Variants in OTOG observed in about 807,000 individuals in gnomAD.
The protein encoded by OTOG is otogelin.
In OTOG, 296 loss-of-function variants were observed where a neutral mutation model predicts 313.8. The ratio of observed to expected loss-of-function variants is 0.94; its 90% CI spans 0.86 to 1.04. OTOG has a LOEUF of 1.04. Ranked by LOEUF, OTOG falls within the 50% of genes least tolerant of loss-of-function variation. OTOG has a pLI of 0.00. For missense variants in OTOG, 3,948 were observed against 3,840.1 expected, an observed-to-expected ratio of 1.03 and a Z score of -0.74; for synonymous variants, 1,533 against 1,554.9, an observed-to-expected ratio of 0.99 and a Z score of 0.33.
chr11:17,643,208 C>A (rs958051843), intron 53 of OTOG, among the ~76,000 whole-genome samples: 1 of 152,212 alleles, frequency 6.6e-6, no homozygotes, highest in African/African-American at 2.4e-5. Context: ...AGGGGAACTG[C>A]CCCAGGAAAG....
rs553540242 is a variant in OTOG at position 17,635,464 on chromosome 11, C to T, written c.7694-146C>T. On this transcript the variant is annotated intron_variant, in intron 46 of 55. Coordinates refer to ENST00000399397, the MANE Select transcript of OTOG (RefSeq NM_001292063.2). ...GAACTTCCAGATTCTGATTCCAGAA[C>T]GGATCACGTGAGACCATGCGATGCT... 1.3e-4 allele frequency: 85 copies of T among 676,276 alleles called. No individual in the cohort carries two copies. The East Asian group carries it at 1.9e-3, about 15-fold the overall frequency. The allele number at this position is 676,276 out of a possible 1,614,324, so 41.9% of individuals were successfully genotyped here.
chr11:17,575,965 G>A (rs958187948), intron 20 of OTOG, among the ~76,000 whole-genome samples: 1 of 152,176 alleles, frequency 6.6e-6, no homozygotes, highest in African/African-American at 2.4e-5. Context: ...TGTGTGAGGA[G>A]GAAACATAGC....
intron 42 of OTOG, 131 bp from the exon 43 acceptor site, chr11:17,633,549 C>T (rs1854184185): frequency 1.7e-5 from 14 of 847,232 alleles, no homozygotes; most frequent in Non-Finnish European, 2.3e-5. Context: ...AGCCCTTTAA[C>T]TTATGCACTC....
intron 39 of OTOG, among the ~76,000 whole-genome samples, chr11:17,623,328 T>A (rs1257419680): frequency 6.6e-6 from 1 of 152,148 alleles, no homozygotes; most frequent in Non-Finnish European, 1.5e-5. Flanking sequence ...CCCCAGTATC[T>A]GTTGTTCCCC....
rs1852375681 is a variant in OTOG, at chr11:17,570,278, G to C, written c.1843G>C (p.Val615Leu). ...GGTGAGGACGAACGTGGGCGTGCGGGTGCTCTACGACCGTGAAGGGCTCCG... is the reference window on the plus strand; with the variant it reads ...GGTGAGGACGAACGTGGGCGTGCGGCTGCTCTACGACCGTGAAGGGCTCCG... Reference protein sequence around the residue: ...LRVRTNVGVRVLYDREGLRLY... With the variant: ...LRVRTNVGVRLLYDREGLRLY... Residue 615 changes from valine (V) to leucine (L), a missense_variant, in exon 17 of 56, where the codon GTG (valine) becomes CTG (leucine). By Grantham distance (32) the Val-to-Leu change is conservative (BLOSUM62 1). Transcript: ENST00000399397. 6.4e-7 allele frequency: 1 copy of C among 1,550,722 alleles called. No individual in the cohort carries two copies. Among genetic ancestry groups the C allele is most frequent in the Non-Finnish European group, 8.7e-7 (1 of 1,147,052 alleles).
chr11:17,570,367 T>C lies in OTOG; in HGVS notation c.1932T>C (p.Asn644=), dbSNP rs559694792. Residue 644 remains asparagine, a synonymous_variant, in exon 17 of 56, where the codon AAT becomes AAC. Coordinates refer to ENST00000399397, the MANE Select transcript of OTOG (RefSeq NM_001292063.2). The part of the protein sequence containing the change: ...EDTVGLCGTF[N]GNTQDDFLSP... ...CCGTGGGCCTCTGCGGCACCTTCAA[T>C]GGCAACACGCAGGATGACTTCCTGT... The C allele has an allele frequency of 9.7e-5, 150 of 1,550,396 alleles. 2 individuals are homozygous for C. In the East Asian group the frequency reaches 3.4e-3, roughly 35 times the overall value.
intron 39 of OTOG, among the ~76,000 whole-genome samples, chr11:17,626,873 G>A (rs183600512): frequency 6.6e-6 from 1 of 152,106 alleles, no homozygotes; most frequent in Admixed American, 6.5e-5. Flanking sequence ...AATTTTACTT[G>A]TGGCTATTGT....
chr11:17,555,049 A>C (rs1852023106), intron 6 of OTOG, among the ~76,000 whole-genome samples: 1 of 152,198 alleles, frequency 6.6e-6, no homozygotes. Context: ...CAGCCTGCTT[A>C]ATCACATTGA....
At chr11:17,635,809 C>T (rs998351313) in intron 47 of OTOG, 98 bp downstream of exon 47, 16 of 1,014,006 alleles carry the variant, frequency 1.6e-5, no homozygotes, top group African/African-American at 1.3e-4. Flanking sequence ...AGCAACAGAG[C>T]GCCCCCAGGT....
At chr11:17,613,362 TTCCTTCCTTCCC>T (rs1181531930) in intron 38 of OTOG, among the ~76,000 whole-genome samples, 9 of 102,838 alleles carry the variant, frequency 8.8e-5, no homozygotes, top group South Asian at 3.0e-4. Context: ...CCTTCCTTCC[TTCCTTCCTTCCC>T]TCCTTCCTTC....
intron 23 of OTOG, among the ~76,000 whole-genome samples, chr11:17,579,040 G>A (rs531414054): frequency 2.6e-5 from 4 of 152,330 alleles, no homozygotes; most frequent in East Asian, 3.9e-4. Flanking sequence ...CATTAAAGCC[G>A]TGAGAGCTGC....
intron 54 of OTOG, among the ~76,000 whole-genome samples, chr11:17,644,326 C>T (rs895194380): frequency 6.6e-6 from 1 of 152,254 alleles, no homozygotes; most frequent in Non-Finnish European, 1.5e-5. Flanking sequence ...AGAGGGAAGA[C>T]AAAGTGGACT....
chr11:17,551,270 G>T (rs138406150), intron 3 of OTOG, among the ~76,000 whole-genome samples: 6 of 152,192 alleles, frequency 3.9e-5, no homozygotes, highest in Admixed American at 3.9e-4. Context: ...TGAGAGGGCT[G>T]GTGTATAAGT....
rs368261417 is a variant in OTOG at position 17,613,694 on chromosome 11, A to G, written c.6521A>G (p.Asn2174Ser). The part of the protein sequence containing the change: ...LAHQVTIDRF[N>S]RKVTVDLQPV... ...CATCAGGTCACTATTGATCGCTTCA[A>G]CCGAAAGGTGAGTGCATCAAACAGC... Residue 2174 changes from asparagine (N) to serine (S), a missense_variant, in exon 39 of 56, where the codon AAC becomes AGC. By Grantham distance (46) the Asn-to-Ser change is conservative. Transcript: ENST00000399397. 159 of 1,550,204 alleles carry G rather than the reference A, an allele frequency of 1.0e-4. No homozygotes were observed. In the African/African-American group the frequency reaches 2.0e-3, roughly 19 times the overall value.
At position 17,605,969 on chromosome 11, in the gene OTOG, G is replaced by T. The variant is rs866113042; in HGVS notation, c.3990G>T (p.Gln1330His). ...AKWQGRDTFQQHASFLLHRGT... is the reference protein window; with the variant it reads ...AKWQGRDTFQHHASFLLHRGT... ...GGCAGGGCCGTGACACCTTCCAACA[G>T]CATGCCTCCTTCTTGCTGCACCGGG... Residue 1330 changes from glutamine to histidine, a missense_variant, in exon 33 of 56, where the codon CAG becomes CAT. By Grantham distance (24) the Gln-to-His change is conservative. Transcript: ENST00000399397. 5.2e-6 allele frequency: 8 copies of T among 1,550,492 alleles called. No homozygotes were observed. Among genetic ancestry groups the T allele is most frequent in the South Asian group, 1.2e-5 (1 of 84,072 alleles).
At chr11:17,569,404 G>A (rs1852359586) in intron 16 of OTOG, 116 bp downstream of exon 16, 6 of 1,387,596 alleles carry the variant, frequency 4.3e-6, no homozygotes, top group Non-Finnish European at 5.9e-6. Context: ...TTCTAGTACT[G>A]GGTAGATCAG....
chr11:17,642,362 G>A (rs1847995030), intron 53 of OTOG, 116 bp downstream of exon 53: 3 of 1,315,980 alleles, frequency 2.3e-6, no homozygotes, highest in East Asian at 2.6e-5. Flanking sequence ...TGGAGCCTGT[G>A]CCTGCACTGC....
intron 23 of OTOG, among the ~76,000 whole-genome samples, chr11:17,579,557 T>C (rs201872967): frequency 6.6e-6 from 1 of 152,230 alleles, no homozygotes; most frequent in African/African-American, 2.4e-5. Flanking sequence ...CCTATATAGA[T>C]ATCATAATGT....
intron 19 of OTOG, 119 bp from the exon 20 acceptor site, chr11:17,574,601 C>T (rs1852476265): frequency 9.4e-7 from 1 of 1,061,490 alleles, no homozygotes; most frequent in Admixed American, 2.7e-5. Flanking sequence ...GCTGTGTGAC[C>T]TCAGACAAAT....
Sources: gnomAD v4.1 joint callset for allele counts (sites outside exome capture counted in the v4.1 genomes callset) on GRCh38, gnomAD v4.1.1 for gene constraint, MANE v1.5 for transcripts, NCBI Gene and HGNC (gene_info 2026-07-23, HGNC 2026-07-21) for gene names.